NIPBL: variants seen among roughly 807,000 people sequenced by gnomAD.
NIPBL encodes the protein NIPBL cohesin loading factor.
In NIPBL, 19 loss-of-function variants were observed where a neutral mutation model predicts 321.8. The ratio of observed to expected loss-of-function variants is 0.06; its 90% CI spans 0.04 to 0.09. The LOEUF is 0.09. Among genes scored for constraint, NIPBL ranks in the 10% least tolerant of loss-of-function variants. The pLI is 1.00. For missense variants in NIPBL, 2,210 were observed against 3,327.0 expected, an observed-to-expected ratio of 0.66 and a Z score of 8.26; for synonymous variants, 1,106 against 1,114.1, an observed-to-expected ratio of 0.99 and a Z score of 0.14.
rs1269802561 is a variant in NIPBL, at chr5:37,046,105, T to C, written c.6499-4T>C. On this transcript the variant is annotated splice_polypyrimidine_tract_variant and splice_region_variant and intron_variant, in intron 37 of 46. Transcript: ENST00000282516. ...AACACTTTAATGTGTTTTCCTCCCC[T>C]TAGGTTAACATAAAAGATAAAGTAC... 2 of 1,440,930 alleles carry C rather than the reference T, an allele frequency of 1.4e-6. No homozygotes were observed. Among genetic ancestry groups the C allele is most frequent in the Non-Finnish European group, 2.0e-6 (2 of 1,022,560 alleles). The allele number at this position is 1,440,930 out of a possible 1,614,324, so 89.3% of individuals were successfully genotyped here.
intron 1 of NIPBL, among the ~76,000 whole-genome samples, chr5:36,924,966 G>T (rs555896114): frequency 6.6e-6 from 1 of 152,142 alleles, no homozygotes; most frequent in East Asian, 1.9e-4. Flanking sequence ...CTGTCATCAG[G>T]TTAAGAAACA....
chr5:36,925,303 T>A (rs1424738825), intron 1 of NIPBL, among the ~76,000 whole-genome samples: 1 of 151,450 alleles, frequency 6.6e-6, no homozygotes, highest in East Asian at 1.9e-4. Context: ...ATTTTCACTC[T>A]TGTTGCCCAG....
intron 1 of NIPBL, among the ~76,000 whole-genome samples, chr5:36,908,339 A>G (rs1747799286): frequency 6.6e-6 from 1 of 152,208 alleles, no homozygotes; most frequent in Admixed American, 6.5e-5. Flanking sequence ...TCTATCAAGT[A>G]AGTAAACCAC....
At position 37,051,827 on chromosome 5, in the gene NIPBL, C is replaced by T. The variant is rs997258635; in HGVS notation, c.7003C>T (p.Arg2335Trp). Residue 2335 changes from arginine to tryptophan, a missense_variant, in exon 41 of 47, where the codon CGG becomes TGG. By Grantham distance (101) the Arg-to-Trp change is moderately radical. Coordinates refer to ENST00000282516, the MANE Select transcript of NIPBL (RefSeq NM_133433.4). Reference protein sequence around the residue: ...AMGTDPEPAMRNKADQQLVEI... With the variant: ...AMGTDPEPAMWNKADQQLVEI... ...GGGCACAGACCCAGAACCTGCTATG[C>T]GGAACAAGGCTGATCAGCAACTTGT... is the stretch of plus-strand genomic sequence containing the variant. 2.5e-6 allele frequency: 4 copies of T among 1,613,322 alleles called. No individual in the cohort carries two copies. The highest frequency in any genetic ancestry group is 8.5e-7 in the Non-Finnish European group (1 of 1,179,802).
chr5:37,051,695 C>G, intron 40 of NIPBL, 84 bp from the exon 41 acceptor site: 5 of 857,416 alleles, frequency 5.8e-6, no homozygotes, highest in Non-Finnish European at 7.9e-6. Context: ...TCATATATCT[C>G]AGATATATGA....
chr5:36,916,332 TC>T (rs1748454249), intron 1 of NIPBL, among the ~76,000 whole-genome samples: 1 of 152,254 alleles, frequency 6.6e-6, no homozygotes, highest in South Asian at 2.1e-4. Flanking sequence ...CAATGTTTCT[TC>T]TGAAACTTTT....
intron 6 of NIPBL, among the ~76,000 whole-genome samples, chr5:36,969,511 A>G (rs1742614862): frequency 6.6e-6 from 1 of 152,212 alleles, no homozygotes. Flanking sequence ...TTAATGGGGG[A>G]AAGAATGATT....
At chr5:36,921,564 A>T (rs16903401) in intron 1 of NIPBL, among the ~76,000 whole-genome samples, 2,296 of 152,250 alleles carry the variant, frequency 0.015, 62 homozygotes, top group African/African-American at 0.053. Flanking sequence ...GCATTTGTCG[A>T]GATAAGTTCA....
chr5:36,995,909 A>C, intron 11 of NIPBL, 105 bp downstream of exon 11: 2 of 961,038 alleles, frequency 2.1e-6, no homozygotes, highest in Admixed American at 4.1e-5. Context: ...AGTCACCTTA[A>C]TTCTTAATAA....
At chr5:37,005,733 C>T (rs1747352116) in intron 16 of NIPBL, among the ~76,000 whole-genome samples, 1 of 152,084 alleles carries the variant, frequency 6.6e-6, no homozygotes, top group South Asian at 2.1e-4. Context: ...AGGATTTTTA[C>T]TTTAACAGTG....
intron 37 of NIPBL, 84 bp from the exon 38 acceptor site, chr5:37,046,025 T>C (rs770332366): frequency 5.8e-4 from 433 of 750,828 alleles, no homozygotes; most frequent in Non-Finnish European, 8.6e-4. Flanking sequence ...ATTCTCATTG[T>C]TTTAAGGTAT....
At chr5:36,946,447 A>G (rs966650571) in intron 1 of NIPBL, among the ~76,000 whole-genome samples, 1 of 151,958 alleles carries the variant, frequency 6.6e-6, no homozygotes, top group Non-Finnish European at 1.5e-5. Context: ...TGTATTTGCC[A>G]TTCCTGTATT....
chr5:37,051,134 T>G (rs1753502038), intron 40 of NIPBL: 2 of 152,556 alleles, frequency 1.3e-5, no homozygotes. Flanking sequence ...CCTTACAGCC[T>G]TTTTTCTTTC....
At chr5:37,043,038 C>T (rs1408791629) in intron 34 of NIPBL, among the ~76,000 whole-genome samples, 1 of 151,738 alleles carries the variant, frequency 6.6e-6, no homozygotes, top group African/African-American at 2.4e-5. Context: ...AAGTCTCTAC[C>T]TGTTTTTTTA....
chr5:37,026,427 A>ATT, intron 31 of NIPBL, 100 bp downstream of exon 31: 1 of 748,730 alleles, frequency 1.3e-6, no homozygotes, highest in Non-Finnish European at 2.4e-6. Flanking sequence ...ATATTTCATT[A>ATT]ATCTTGACAT....
intron 1 of NIPBL, among the ~76,000 whole-genome samples, chr5:36,934,945 C>A (rs1750047007): frequency 6.6e-6 from 1 of 152,118 alleles, no homozygotes; most frequent in African/African-American, 2.4e-5. Flanking sequence ...GAAGGACTCA[C>A]ACTCACCATG....
At chr5:36,903,903 A>G (rs1297304273) in intron 1 of NIPBL, among the ~76,000 whole-genome samples, 1 of 152,246 alleles carries the variant, frequency 6.6e-6, no homozygotes, top group Non-Finnish European at 1.5e-5. Context: ...AGATGTGATC[A>G]TAAATAAGCA....
At position 36,995,739 on chromosome 5, in the gene NIPBL, A is replaced by C. The variant is rs1353374078; in HGVS notation, c.3239A>C (p.Asn1080Thr). The C allele has an allele frequency of 1.2e-6, 2 of 1,613,926 alleles. No individual in the cohort carries two copies. Residue 1080 changes from asparagine to threonine, a missense_variant, in exon 11 of 47, where the codon AAT becomes ACT. By Grantham distance (65) the Asn-to-Thr change is moderately conservative (BLOSUM62 0). Coordinates refer to ENST00000282516, the MANE Select transcript of NIPBL (RefSeq NM_133433.4). Reference protein sequence around the residue: ...KMNKRKRSTVNEKPKYAEISS... With the variant: ...KMNKRKRSTVTEKPKYAEISS... ...AACAAACGCAAGCGTAGCACAGTTAATGAAAAGCCAAAATATGCTGAAATC... is the reference window on the plus strand; with the variant it reads ...AACAAACGCAAGCGTAGCACAGTTACTGAAAAGCCAAAATATGCTGAAATC...
chr5:36,986,430 A>C, intron 10 of NIPBL, 129 bp downstream of exon 10: 1 of 649,048 alleles, frequency 1.5e-6, no homozygotes, highest in Non-Finnish European at 2.3e-6. Context: ...TATGTCAAAC[A>C]ACAGGAAATT....
Sources: gnomAD v4.1 joint callset for allele counts (sites outside exome capture counted in the v4.1 genomes callset) on GRCh38, gnomAD v4.1.1 for gene constraint, MANE v1.5 for transcripts, NCBI Gene and HGNC (gene_info 2026-07-23, HGNC 2026-07-21) for gene names.